Variants in FAM241A observed in about 807,000 individuals in gnomAD.
FAM241A encodes family with sequence similarity 241 member A.
In FAM241A, 7 loss-of-function variants were observed where a neutral mutation model predicts 12.2. The ratio of observed to expected loss-of-function variants is 0.58; its 90% confidence interval spans 0.33 to 1.08. FAM241A has a LOEUF of 1.08. Among genes scored for constraint, FAM241A ranks in the 50% least tolerant of loss-of-function variants. The probability of loss-of-function intolerance (pLI) is 0.04; values close to 1 mark genes in which losing one functional copy is unlikely to be tolerated. For missense variants in FAM241A, 161 were observed against 169.7 expected (o/e 0.95, Z 0.29); for synonymous variants, 74 against 68.2 (o/e 1.08, Z -0.42).
intron 1 of FAM241A, among the ~76,000 whole-genome samples, chr4:112,154,261 A>T (rs568700267): frequency 3.9e-5 from 6 of 152,156 alleles, no homozygotes; most frequent in African/African-American, 9.6e-5. Context: ...TTTATTTTTT[A>T]AAATTTATTT....
At chr4:112,168,282 T>C (rs1413782273) in intron 1 of FAM241A, among the ~76,000 whole-genome samples, 1 of 152,234 alleles carries the variant, frequency 6.6e-6, no homozygotes, top group African/African-American at 2.4e-5. Flanking sequence ...CTACAGACTC[T>C]TTAGTTCTAT....
At chr4:112,168,072 A>C (rs899007504) in intron 1 of FAM241A, among the ~76,000 whole-genome samples, 1 of 152,252 alleles carries the variant, frequency 6.6e-6, no homozygotes, top group East Asian at 1.9e-4. Context: ...TAACTTTGGC[A>C]TGTAAGCACA....
intron 1 of FAM241A, among the ~76,000 whole-genome samples, chr4:112,174,913 A>G (rs1456084199): frequency 1.3e-5 from 2 of 152,232 alleles, no homozygotes; most frequent in African/African-American, 2.4e-5. Context: ...TTAAAGTGAC[A>G]TCACTGTCAT....
At chr4:112,148,746 A>G (rs192084531) in intron 1 of FAM241A, among the ~76,000 whole-genome samples, 1 of 152,322 alleles carries the variant, frequency 6.6e-6, no homozygotes, top group East Asian at 1.9e-4. Flanking sequence ...TGATCCAAGT[A>G]TGTTCATGAG....
chr4:112,155,011 C>T (rs1388787141), intron 1 of FAM241A, among the ~76,000 whole-genome samples: 4 of 151,814 alleles, frequency 2.6e-5, no homozygotes, highest in African/African-American at 4.8e-5. Flanking sequence ...CCAGCCTGGG[C>T]GACAGAGCAA....
chr4:112,166,976 T>C (rs947401896), intron 1 of FAM241A, among the ~76,000 whole-genome samples: 2 of 103,024 alleles, frequency 1.9e-5, no homozygotes, highest in South Asian at 3.3e-4. Flanking sequence ...TAGCCGGGCG[T>C]AGTGGCGGGC....
chr4:112,175,508 C>A (rs115534971), intron 1 of FAM241A, among the ~76,000 whole-genome samples: 8,965 of 152,202 alleles, frequency 0.059, 342 homozygotes, highest in Middle Eastern at 0.092. Context: ...TGGCTCACAC[C>A]GGTACTCCCA....
At chr4:112,173,948 TTA>T (rs1321780739) in intron 1 of FAM241A, among the ~76,000 whole-genome samples, 4 of 152,180 alleles carry the variant, frequency 2.6e-5, no homozygotes, top group Non-Finnish European at 5.9e-5. Flanking sequence ...TAAAAGTCTT[TTA>T]AAGTCTCCAA....
chr4:112,180,403 A>G (rs761028695), intron 1 of FAM241A, among the ~76,000 whole-genome samples: 2 of 152,200 alleles, frequency 1.3e-5, no homozygotes, highest in Non-Finnish European at 2.9e-5. Context: ...TTAAAATTAA[A>G]ACTTTTGAGG....
At chr4:112,186,240 A>G (rs997916417) in intron 1 of FAM241A, among the ~76,000 whole-genome samples, 4 of 152,238 alleles carry the variant, frequency 2.6e-5, no homozygotes, top group Admixed American at 6.5e-5. Flanking sequence ...ACAGGAAACT[A>G]TGCAAGGGCC....
At chr4:112,181,840 A>G (rs894590794) in intron 1 of FAM241A, among the ~76,000 whole-genome samples, 1 of 152,228 alleles carries the variant, frequency 6.6e-6, no homozygotes, top group African/African-American at 2.4e-5. Flanking sequence ...AGGGCCTCAT[A>G]GATCATGTTA....
chr4:112,179,203 T>C (rs1723879079), intron 1 of FAM241A, among the ~76,000 whole-genome samples: 1 of 152,306 alleles, frequency 6.6e-6, no homozygotes, highest in South Asian at 2.1e-4. Context: ...TCCTTGCCCA[T>C]GCCTATGTCC....
chr4:112,152,602 C>T (rs1480175883), intron 1 of FAM241A, among the ~76,000 whole-genome samples: 1 of 152,062 alleles, frequency 6.6e-6, no homozygotes, highest in Non-Finnish European at 1.5e-5. Context: ...TCTTTCCTAC[C>T]ACCCATCTCC....
chr4:112,172,231 G>A (rs957493011), intron 1 of FAM241A, among the ~76,000 whole-genome samples: 9 of 152,176 alleles, frequency 5.9e-5, no homozygotes, highest in African/African-American at 2.2e-4. Flanking sequence ...ATTAATAAAT[G>A]TGTCATGAAA....
At chr4:112,167,252 C>G (rs752679676) in intron 1 of FAM241A, among the ~76,000 whole-genome samples, 17 of 152,034 alleles carry the variant, frequency 1.1e-4, no homozygotes, top group Non-Finnish European at 2.5e-4. Flanking sequence ...AACTCTCCAT[C>G]AGAAGAGAAC....
intron 1 of FAM241A, among the ~76,000 whole-genome samples, chr4:112,163,530 C>T (rs1352070543): frequency 6.6e-6 from 1 of 152,172 alleles, no homozygotes; most frequent in East Asian, 1.9e-4. Context: ...CAAAAGAAGA[C>T]ATTTATACAG....
At chr4:112,157,175 A>G (rs1243139398) in intron 1 of FAM241A, among the ~76,000 whole-genome samples, 1 of 152,174 alleles carries the variant, frequency 6.6e-6, no homozygotes, top group Non-Finnish European at 1.5e-5. Context: ...ACCTATTCAA[A>G]GAAGAAATCA....
chr4:112,177,920 A>G (rs79692365), intron 1 of FAM241A, among the ~76,000 whole-genome samples: 4,512 of 152,276 alleles, frequency 0.03, 184 homozygotes, highest in East Asian at 0.16. Context: ...ATTACATTTA[A>G]GTTTTCTTTG....
chr4:112,171,295 A>G (rs1723714317), intron 1 of FAM241A: 5 of 755,624 alleles, frequency 6.6e-6, no homozygotes, highest in South Asian at 5.4e-5. Context: ...ACACAGTACA[A>G]GAAGGGCAAG....
Sources: allele counts gnomAD v4.1 joint callset (sites outside exome capture counted in the v4.1 genomes callset), GRCh38; gene constraint gnomAD v4.1.1; transcripts MANE v1.5; gene names NCBI Gene and HGNC (gene_info 2026-07-23, HGNC 2026-07-21).